PCDHA6: variants seen among roughly 807,000 people sequenced by gnomAD.
PCDHA6 encodes the protein protocadherin alpha-6.
Under a neutral mutation model 60.3 loss-of-function variants are expected in PCDHA6, and 55 were observed. The ratio of observed to expected loss-of-function variants is 0.91; its 90% CI spans 0.73 to 1.14. PCDHA6 has a LOEUF of 1.14. Ranked by LOEUF, PCDHA6 falls within the 50% of genes most tolerant of loss-of-function variation. The pLI, the probability that PCDHA6 is intolerant of heterozygous loss-of-function variation, is 0.00. For synonymous variants in PCDHA6, 652 were observed against 557.9 expected (o/e 1.17, Z -2.38); for missense variants, 1,327 against 1,256.5 (o/e 1.06, Z -0.85).
chr5:140,883,668 A>G (rs782191858), intron 1 of PCDHA6: 16 of 1,613,456 alleles, frequency 9.9e-6, no homozygotes, highest in Non-Finnish European at 1.4e-5. Flanking sequence ...GTGAAGGAAA[A>G]CAATCCGCCG....
At chr5:140,848,419 T>C in intron 1 of PCDHA6, 1 of 1,412,874 alleles carries the variant, frequency 7.1e-7, no homozygotes, top group Non-Finnish European at 9.7e-7. Context: ...CACAGCAGAA[T>C]GGGACTGACG....
intron 1 of PCDHA6, chr5:140,836,920 G>A: frequency 1.8e-6 from 1 of 542,350 alleles, no homozygotes; most frequent in Non-Finnish European, 3.1e-6. Flanking sequence ...TTTTGTTTTG[G>A]GATGCGTAAT....
intron 1 of PCDHA6, chr5:140,842,126 C>G (rs2150329833): frequency 6.2e-7 from 1 of 1,613,822 alleles, no homozygotes; most frequent in South Asian, 1.1e-5. Context: ...TGCTTCTGAT[C>G]CGGATGAAGG....
intron 1 of PCDHA6, among the ~76,000 whole-genome samples, chr5:140,937,127 T>TC: frequency 6.7e-6 from 1 of 149,014 alleles, no homozygotes. Context: ...AAGCTCCGCC[T>TC]CCCGGGTTCA....
At chr5:140,873,162 G>A (rs782467879) in intron 1 of PCDHA6, among the ~76,000 whole-genome samples, 21 of 152,108 alleles carry the variant, frequency 1.4e-4, no homozygotes, top group Non-Finnish European at 2.2e-4. Flanking sequence ...ACTTTAGATC[G>A]AGAGCTTTTG....
chr5:140,901,213 G>A (rs2068513524), intron 1 of PCDHA6, among the ~76,000 whole-genome samples: 1 of 152,040 alleles, frequency 6.6e-6, no homozygotes, highest in Non-Finnish European at 1.5e-5. Flanking sequence ...TTTTTAAGTT[G>A]ATGTGATCCC....
intron 1 of PCDHA6, chr5:140,857,488 C>T: frequency 6.3e-7 from 1 of 1,598,442 alleles, no homozygotes; most frequent in Non-Finnish European, 8.6e-7. Flanking sequence ...CTGCGTGGGA[C>T]GCGGACGCGC....
chr5:140,849,276 G>T, intron 1 of PCDHA6: 1 of 1,173,354 alleles, frequency 8.5e-7, no homozygotes, highest in Non-Finnish European at 1.2e-6. Flanking sequence ...CGGAACGCTG[G>T]TGATTCACCC....
At chr5:140,873,725 A>G (rs1235492447) in intron 1 of PCDHA6, among the ~76,000 whole-genome samples, 7 of 152,112 alleles carry the variant, frequency 4.6e-5, no homozygotes, top group Non-Finnish European at 7.4e-5. Context: ...CAGTGGCGCA[A>G]TCTCAGCTCA....
At position 141,000,391 on chromosome 5, in the gene PCDHA6, CTCTCTATA is replaced by C. The variant is rs1374519322; in HGVS notation, c.2543-9234_2543-9227del. Reference sequence around the variant, plus strand: ...TCTCTCTCTCTCTCTCTCTCTCTCTCTCTCTATATATATATATATATATATATATATTT... The same window carrying C: ...TCTCTCTCTCTCTCTCTCTCTCTCTCTATATATATATATATATATATATTT... On this transcript the variant is annotated intron_variant, in intron 3 of 3. Transcript: ENST00000529310. Among the ~76,000 whole-genome samples the C allele has an allele frequency of 7.6e-3, 431 of 56,394 alleles. 1 individual carries two copies. The highest frequency in any genetic ancestry group is 0.013 in the African/African-American group (152 of 11,988). The allele number at this position is 56,394 out of a possible 152,430, so 37.0% of individuals were successfully genotyped here. A position where few individuals can be genotyped will look rare whatever the true frequency, so the allele number is the denominator to read the frequency against.
At chr5:140,947,275 T>G (rs246050) in intron 1 of PCDHA6, among the ~76,000 whole-genome samples, 85,352 of 151,290 alleles carry the variant, frequency 0.56, 24,679 homozygotes, top group African/African-American at 0.69. Context: ...GAAAATACTT[T>G]TTCTTTTTAT....
intron 1 of PCDHA6, among the ~76,000 whole-genome samples, chr5:140,925,953 C>T (rs1438087673): frequency 1.3e-5 from 2 of 152,090 alleles, no homozygotes; most frequent in Non-Finnish European, 2.9e-5. Context: ...GAAGGAGAAA[C>T]TGCTATCACG....
chr5:140,847,580 C>G (rs1350641732), intron 1 of PCDHA6: 2 of 149,008 alleles, frequency 1.3e-5, no homozygotes, highest in African/African-American at 4.9e-5. Flanking sequence ...TAAGGATGAG[C>G]AATAATGAAA....
chr5:140,876,463 G>T, intron 1 of PCDHA6: 2 of 1,614,014 alleles, frequency 1.2e-6, no homozygotes, highest in Non-Finnish European at 1.7e-6. Flanking sequence ...TCCTTCCATG[G>T]CAGGTCACAG....
chr5:140,980,734 T>C (rs2096903764), intron 2 of PCDHA6, among the ~76,000 whole-genome samples: 3 of 151,998 alleles, frequency 2.0e-5, no homozygotes, highest in African/African-American at 4.8e-5. Context: ...TAAGATATTA[T>C]GAGATTTGAG....
chr5:140,843,845 C>A (rs1191998999), intron 1 of PCDHA6: 1 of 1,001,508 alleles, frequency 1.0e-6, no homozygotes, highest in Non-Finnish European at 1.5e-6. Context: ...TTTTTAGAAA[C>A]CTTTTATAAT....
In PCDHA6 at chr5:140,937,571, C is replaced by T. The variant is rs188926211; in HGVS notation, c.2395-41378C>T. 1.3e-4 allele frequency among the ~76,000 whole-genome samples: 20 copies of T among 151,578 alleles called. No homozygotes were observed. The East Asian group carries it at 2.7e-3, about 21-fold the overall frequency. On this transcript the variant is annotated intron_variant, in intron 1 of 3. Coordinates refer to ENST00000529310, the MANE Select transcript of PCDHA6 (RefSeq NM_018909.4). Reference sequence around the variant, plus strand: ...GGCAGAGGTTGCAGTGAGCTGGGATCGCGTCACTGCACTCTAGCCTGGGCA... The same window carrying T: ...GGCAGAGGTTGCAGTGAGCTGGGATTGCGTCACTGCACTCTAGCCTGGGCA...
intron 1 of PCDHA6, chr5:140,850,278 C>T: frequency 6.3e-7 from 1 of 1,595,340 alleles, no homozygotes; most frequent in Non-Finnish European, 8.6e-7. Flanking sequence ...GGGGAAGGTG[C>T]GCGCAGTGGA....
At chr5:140,878,906 C>T (rs1320249788) in intron 1 of PCDHA6, among the ~76,000 whole-genome samples, 2 of 152,210 alleles carry the variant, frequency 1.3e-5, no homozygotes, top group African/African-American at 4.8e-5. Flanking sequence ...CAGGCTCCAC[C>T]ACTCCCAGCT....
Sources: allele counts gnomAD v4.1 joint callset (sites outside exome capture counted in the v4.1 genomes callset), GRCh38; gene constraint gnomAD v4.1.1; transcripts MANE v1.5; gene names NCBI Gene and HGNC (gene_info 2026-07-23, HGNC 2026-07-21).